The following ITGA10 variants were observed in gnomAD, a reference collection of about 807,000 sequenced individuals.
The protein encoded by ITGA10 is integrin subunit alpha 10, also known as integrin alpha-10.
In ITGA10, 105 loss-of-function variants were observed where a neutral mutation model predicts 145.2. The ratio of observed to expected loss-of-function variants is 0.72; its 90% CI spans 0.62 to 0.85. The LOEUF (loss-of-function observed/expected upper bound fraction) is 0.85. Ranked by LOEUF, ITGA10 falls within the 40% of genes least tolerant of loss-of-function variation. ITGA10 has a pLI of 0.00. For missense variants in ITGA10, 1,317 were observed against 1,444.5 expected (o/e 0.91, Z 1.43); for synonymous variants, 506 against 557.8 (o/e 0.91, Z 1.31).
At chr1:145,895,606 C>T (rs781973228) in intron 26 of ITGA10, 25 bp downstream of exon 26, 2 of 1,611,384 alleles carry the variant, frequency 1.2e-6, no homozygotes, top group South Asian at 2.2e-5. Flanking sequence ...CATTCCCACT[C>T]TGGACACCCC....
intron 15 of ITGA10, 108 bp downstream of exon 15, chr1:145,899,949 A>G (rs781991093): frequency 2.3e-5 from 26 of 1,127,444 alleles, no homozygotes; most frequent in Middle Eastern, 3.0e-4. Context: ...GAATGGAGGC[A>G]CAGAGTAAGT....
chr1:145,907,114 G>C lies in ITGA10; in HGVS notation c.201C>G (p.Gly67=). 6.4e-7 allele frequency: 1 copy of C among 1,563,234 alleles called. No homozygotes were observed. The highest frequency in any genetic ancestry group is 8.7e-7 in the Non-Finnish European group (1 of 1,153,248). Residue 67 remains glycine, a synonymous_variant, in exon 3 of 30, where the codon GGC becomes GGG. Transcript: ENST00000369304. The part of the protein sequence containing the change: ...LVGAPWDGPS[G]DRRGDVYRCP... ...AGCGATAAACGTCCCCCCTCCGGTC[G>C]CCTGAAGGCCCATCCCAGGGGGCGC... is the stretch of plus-strand genomic sequence containing the variant.
In ITGA10 at chr1:145,904,823, G is replaced by T. The variant is rs1179777050; in HGVS notation, c.482-12C>A. On this transcript the variant is annotated splice_polypyrimidine_tract_variant and intron_variant, in intron 5 of 29. Coordinates refer to ENST00000369304, the MANE Select transcript of ITGA10 (RefSeq NM_003637.5). ...GTATGTTGGGCAGCCTAGAAGGAAGGAGAACACTGAGGTAGAGGACACTGA... is the reference window on the plus strand; with the variant it reads ...GTATGTTGGGCAGCCTAGAAGGAAGTAGAACACTGAGGTAGAGGACACTGA... The T allele has an allele frequency of 1.2e-6, 2 of 1,613,090 alleles. No homozygotes were observed. Among genetic ancestry groups the T allele is most frequent in the Non-Finnish European group, 1.7e-6 (2 of 1,179,374 alleles).
At chr1:145,899,143 A>G (rs948590496) in intron 16 of ITGA10, 32 bp downstream of exon 16, 24 of 1,614,188 alleles carry the variant, frequency 1.5e-5, no homozygotes, top group Non-Finnish European at 2.0e-5. Flanking sequence ...CAAGGAATTG[A>G]GAGTTGCCTG....
Position 145,896,026 on chromosome 1 carries a change from C to A in ITGA10, c.2990G>T (p.Gly997Val). 1 of 1,614,104 alleles carries A rather than the reference C, an allele frequency of 6.2e-7. No individual in the cohort carries two copies. Among genetic ancestry groups the A allele is most frequent in the Non-Finnish European group, 8.5e-7 (1 of 1,179,996 alleles). The stretch of plus-strand genomic sequence containing the variant: ...AGACAGTGATAGGAAGTAATTGCCC[C>A]CATGGGCCACAGCTGGAAGGAGGGC... ...ISALLPAVAH[G>V]GNYFLSLSQV... The change falls in exon 25 of 30, where the codon GGG becomes GTG. Residue 997 changes from glycine to valine, a missense_variant. Coordinates refer to ENST00000369304, the MANE Select transcript of ITGA10 (RefSeq NM_003637.5).
chr1:145,897,457 A>C (rs1655583111), intron 20 of ITGA10, 55 bp downstream of exon 20: 2 of 1,606,528 alleles, frequency 1.2e-6, no homozygotes, highest in Non-Finnish European at 1.7e-6. Flanking sequence ...CCAATACCCC[A>C]ATCTTCTTCC....
intron 5 of ITGA10, among the ~76,000 whole-genome samples, chr1:145,905,424 C>T (rs918974179): frequency 4.6e-5 from 7 of 151,948 alleles, no homozygotes; most frequent in East Asian, 1.9e-4. Context: ...GGACTACAGG[C>T]GCCCGCCACG....
chr1:145,909,857 G>T, intron 1 of ITGA10, 106 bp downstream of exon 1: 1 of 953,334 alleles, frequency 1.0e-6, no homozygotes. Context: ...ACCAGTGTTC[G>T]CTTCCTAACC....
chr1:145,898,988 A>C lies in ITGA10; in HGVS notation c.2180T>G (p.Leu727Arg). Residue 727 changes from leucine (L) to arginine (R), a missense_variant, in exon 17 of 30, where the codon CTC becomes CGC. Physicochemically the swap from Leu to Arg is moderately radical, Grantham distance 102 (BLOSUM62 -2). Coordinates refer to ENST00000369304, the MANE Select transcript of ITGA10 (RefSeq NM_003637.5). Reference sequence around the variant, plus strand: ...AGTGACATTCCCCACACTGAGCCGGAGCCTCCGAGGGGACAACCTCTGGCC... The same window carrying C: ...AGTGACATTCCCCACACTGAGCCGGCGCCTCCGAGGGGACAACCTCTGGCC... ...GSGQRLSPRRLRLSVGNVTCE... is the reference protein window; with the variant it reads ...GSGQRLSPRRRRLSVGNVTCE... The C allele has an allele frequency of 6.2e-7, 1 of 1,614,220 alleles. No individual in the cohort carries two copies. Among genetic ancestry groups the C allele is most frequent in the Non-Finnish European group, 8.5e-7 (1 of 1,180,056 alleles).
rs782258553 is a variant in ITGA10, at chr1:145,898,835, G to A, written c.2232+101C>T. On this transcript the variant is annotated intron_variant, in intron 17 of 29. Coordinates refer to ENST00000369304, the MANE Select transcript of ITGA10 (RefSeq NM_003637.5). ...AAAGTCTGAATCATCTCATTTTCCC[G>A]GCTTTGGCTTTCTTGCTGATTCAGC... The A allele has an allele frequency of 5.5e-5, 77 of 1,392,906 alleles. No homozygotes were observed. The East Asian group carries it at 5.5e-4, about 10-fold the overall frequency. The allele number at this position is 1,392,906 out of a possible 1,614,324, so 86.3% of individuals were successfully genotyped here. A position where few individuals can be genotyped will look rare whatever the true frequency, so the allele number is the denominator to read the frequency against.
chr1:145,909,334 C>A (rs1657537442), intron 1 of ITGA10, among the ~76,000 whole-genome samples: 1 of 150,274 alleles, frequency 6.7e-6, no homozygotes, highest in African/African-American at 2.5e-5. Flanking sequence ...GTGGCGCGTA[C>A]CTAGTAGTCC....
At position 145,901,705 on chromosome 1, in the gene ITGA10, T is replaced by C. The variant is rs749453849; in HGVS notation, c.1295-41A>G. On this transcript the variant is annotated intron_variant, in intron 11 of 29. Coordinates refer to ENST00000369304, the MANE Select transcript of ITGA10 (RefSeq NM_003637.5). This position sits in a 1 kb window ranked among gnomAD's most constrained non-coding sequence, Gnocchi z 4.3. ...GTAACAGAGGTAAAGGAAAAGAAGA[T>C]GGGGTCCAGAGTAGGGGGGTTCCCT... 6.5e-7 allele frequency: 1 copy of C among 1,537,078 alleles called. No homozygotes were observed. The highest frequency in any genetic ancestry group is 8.7e-7 in the Non-Finnish European group (1 of 1,143,946).
At position 145,898,902 on chromosome 1, in the gene ITGA10, C is replaced by T. The variant is rs782241674; in HGVS notation, c.2232+34G>A. The T allele has an allele frequency of 1.2e-5, 19 of 1,595,194 alleles. No individual in the cohort carries two copies. The South Asian group carries it at 1.6e-4, about 13-fold the overall frequency. On this transcript the variant is annotated intron_variant, in intron 17 of 29. Transcript: ENST00000369304. ...ACCCAGCTTTCTCCTCATTCTCAGGCCCTGATGCTAAGCAGTTACTGCCCT... is the reference window on the plus strand; with the variant it reads ...ACCCAGCTTTCTCCTCATTCTCAGGTCCTGATGCTAAGCAGTTACTGCCCT...
chr1:145,902,073 GA>G (rs34834904), intron 10 of ITGA10, 52 bp from the exon 11 acceptor site: 544,188 of 1,600,792 alleles, frequency 0.34, 95,680 homozygotes, highest in Non-Finnish European at 0.36. Flanking sequence ...GGAATAAAGA[GA>G]AAAAAAACGT....
In ITGA10 at chr1:145,901,277, A is replaced by G. The variant is rs781841214; in HGVS notation, c.1445T>C (p.Ile482Thr). ...GAGCTCACTGCCAAAGTATGAACCA[A>G]TCTGGGGAATGGTGGGTGATGATGA... ...RVAQSLQGEQ[I>T]GSYFGSELCP... Residue 482 changes from isoleucine to threonine, a missense_variant and splice_region_variant, in exon 13 of 30, where the codon ATT (isoleucine) becomes ACT (threonine). Ile to Thr is a moderately conservative substitution (Grantham distance 89, BLOSUM62 -1). Coordinates refer to ENST00000369304, the MANE Select transcript of ITGA10 (RefSeq NM_003637.5). The surrounding 1 kb of genome is among the most constrained non-coding windows in gnomAD (Gnocchi z 4.3). The G allele has an allele frequency of 4.3e-6, 7 of 1,613,914 alleles. No individual in the cohort carries two copies. The highest frequency in any genetic ancestry group is 2.2e-5 in the South Asian group (2 of 91,082).
intron 1 of ITGA10, among the ~76,000 whole-genome samples, chr1:145,909,692 A>G (rs1330359145): frequency 5.2e-5 from 2 of 38,810 alleles, no homozygotes; most frequent in Non-Finnish European, 8.9e-5. Flanking sequence ...TATATATAAT[A>G]TATAATTATA....
Position 145,906,763 on chromosome 1 carries a change from C to A in ITGA10, c.336G>T (p.Leu112=). 2 of 1,612,938 alleles carry A rather than the reference C, an allele frequency of 1.2e-6. No individual in the cohort carries two copies. The highest frequency in any genetic ancestry group is 1.7e-6 in the Non-Finnish European group (2 of 1,178,928). ...PAVNMHLGMS[L]LETDGDGGFM... ...ATCCCCCATCACCATCTGTCTCTAA[C>A]AGAGACATCCCCAGGTGCATATTCA... Residue 112 remains leucine (L), a synonymous_variant, in exon 4 of 30, where the codon CTG becomes CTT. Coordinates refer to ENST00000369304, the MANE Select transcript of ITGA10 (RefSeq NM_003637.5).
At position 145,897,236 on chromosome 1, in the gene ITGA10, C is replaced by T. The variant is rs1253003785; in HGVS notation, c.2667+11G>A. 1 of 1,613,612 alleles carries T rather than the reference C, an allele frequency of 6.2e-7. No individual in the cohort carries two copies. Among genetic ancestry groups the T allele is most frequent in the Non-Finnish European group, 8.5e-7 (1 of 1,179,740 alleles). ...CCTAGAGCCCTCTTTTCATCCTAGA[C>T]CCCAACCCACCTTGGCTCCAGTCTG... On this transcript the variant is annotated intron_variant, in intron 21 of 29. Transcript: ENST00000369304.
At position 145,905,316 on chromosome 1, in the gene ITGA10, A is replaced by G. The variant is rs781105161; in HGVS notation, c.482-505T>C. On this transcript the variant is annotated intron_variant, in intron 5 of 29. Coordinates refer to ENST00000369304, the MANE Select transcript of ITGA10 (RefSeq NM_003637.5). ...TTTTTTTGAGACAGAGTCTCGCTCT[A>G]TTGCCCAGGCTGGAGTGCAGTGGCG... Among the ~76,000 whole-genome samples the G allele has an allele frequency of 1.5e-3, 228 of 150,858 alleles. 2 individuals are homozygous for G. Among genetic ancestry groups the G allele is most frequent in the Non-Finnish European group, 2.7e-3 (186 of 67,804 alleles).
Sources: allele counts gnomAD v4.1 joint callset (sites outside exome capture counted in the v4.1 genomes callset), GRCh38; gene constraint gnomAD v4.1.1; non-coding constraint Gnocchi (gnomAD v3.1); transcripts MANE v1.5; gene names NCBI Gene and HGNC (gene_info 2026-07-23, HGNC 2026-07-21).